The following SLC35F3 variants were observed in gnomAD, a reference collection of about 807,000 sequenced individuals.
The protein encoded by SLC35F3 is putative thiamine transporter SLC35F3.
SLC35F3 carries 25 observed loss-of-function variants against 49.9 expected under a neutral mutation model. The observed-to-expected ratio is 0.50, with a 90% CI of 0.37 to 0.70. SLC35F3 has a LOEUF of 0.70. Among genes scored for constraint, SLC35F3 ranks in the 30% least tolerant of loss-of-function variants. The pLI, the probability that SLC35F3 is intolerant of heterozygous loss-of-function variation, is 0.00. For missense variants in SLC35F3, 525 were observed against 639.8 expected (o/e 0.82, Z 1.94); for synonymous variants, 275 against 265.4 (o/e 1.04, Z -0.35).
chr1:233,966,465 A>G (rs1466887662), intron 2 of SLC35F3, among the ~76,000 whole-genome samples: 1 of 152,086 alleles, frequency 6.6e-6, no homozygotes, highest in Non-Finnish European at 1.5e-5. Context: ...GTCAGACCCA[A>G]CCTGGATGCA....
intron 2 of SLC35F3, among the ~76,000 whole-genome samples, chr1:233,992,900 A>G (rs1318074782): frequency 2.0e-5 from 3 of 152,172 alleles, no homozygotes; most frequent in Non-Finnish European, 4.4e-5. Context: ...TGAAAGGGAA[A>G]GTGGGAGGGC....
chr1:234,168,207 T>C (rs1666346843), intron 2 of SLC35F3, among the ~76,000 whole-genome samples: 1 of 152,348 alleles, frequency 6.6e-6, no homozygotes, highest in East Asian at 1.9e-4. Context: ...ACCCTAGGGC[T>C]GGAATATGAC....
At chr1:233,959,194 A>G (rs1440605020) in intron 2 of SLC35F3, among the ~76,000 whole-genome samples, 1 of 152,156 alleles carries the variant, frequency 6.6e-6, no homozygotes, top group Non-Finnish European at 1.5e-5. Flanking sequence ...TCTCACGTAT[A>G]AAGTAGCGTA....
At chr1:234,297,330 G>A (rs993490216) in intron 3 of SLC35F3, among the ~76,000 whole-genome samples, 1 of 152,194 alleles carries the variant, frequency 6.6e-6, no homozygotes, top group Admixed American at 6.5e-5. Flanking sequence ...AAATCAGTAT[G>A]TTAAAGAGGT....
At chr1:234,038,184 A>T (rs529457789) in intron 2 of SLC35F3, among the ~76,000 whole-genome samples, 1 of 138,522 alleles carries the variant, frequency 7.2e-6, no homozygotes, top group Admixed American at 8.3e-5. Flanking sequence ...TCACTGTTCA[A>T]TTCCCACCTA....
chr1:234,186,725 G>A (rs575264984), intron 2 of SLC35F3, among the ~76,000 whole-genome samples: 4 of 152,262 alleles, frequency 2.6e-5, no homozygotes, highest in African/African-American at 7.2e-5. Context: ...TAGGGACTCC[G>A]TAAAGTCAAC....
intron 2 of SLC35F3, among the ~76,000 whole-genome samples, chr1:233,961,189 A>T (rs56318715): frequency 0.54 from 82,607 of 151,866 alleles, 22,662 homozygotes; most frequent in African/African-American, 0.59. Context: ...TATAGATATA[A>T]CCTACGAGTA....
At chr1:233,951,746 T>C (rs1662611629) in intron 2 of SLC35F3, among the ~76,000 whole-genome samples, 1 of 152,044 alleles carries the variant, frequency 6.6e-6, no homozygotes, top group Non-Finnish European at 1.5e-5. Context: ...TTTGTTTTGT[T>C]TTTTTGTTTT....
At position 234,264,266 on chromosome 1, in the gene SLC35F3, T is replaced by A. The variant is rs117708919; in HGVS notation, c.608+32525T>A. On this transcript the variant is annotated intron_variant, in intron 3 of 7. Coordinates refer to ENST00000366618, the MANE Select transcript of SLC35F3 (RefSeq NM_173508.4). Reference sequence around the variant, plus strand: ...TGCACAAGGAACCTTCCACTTGGTGTCTGTTCAAGGACCTCACTCCAGCAG... The same window carrying A: ...TGCACAAGGAACCTTCCACTTGGTGACTGTTCAAGGACCTCACTCCAGCAG... Among the ~76,000 whole-genome samples the A allele has an allele frequency of 6.6e-4, 100 of 152,356 alleles. 1 individual carries two copies. The East Asian group carries it at 0.016, about 25-fold the overall frequency.
At chr1:234,287,090 T>C (rs1668432866) in intron 3 of SLC35F3, among the ~76,000 whole-genome samples, 1 of 152,128 alleles carries the variant, frequency 6.6e-6, no homozygotes, top group African/African-American at 2.4e-5. Flanking sequence ...TCCCAGCTAC[T>C]TGGGAGGCTG....
intron 2 of SLC35F3, among the ~76,000 whole-genome samples, chr1:234,189,061 C>A (rs1447570325): frequency 1.3e-5 from 2 of 152,020 alleles, no homozygotes; most frequent in African/African-American, 4.8e-5. Context: ...TGAACAGCAG[C>A]CTTGAGCCCC....
At chr1:234,047,100 TA>T (rs912818347) in intron 2 of SLC35F3, among the ~76,000 whole-genome samples, 3 of 152,368 alleles carry the variant, frequency 2.0e-5, no homozygotes, top group Non-Finnish European at 4.4e-5. Flanking sequence ...AGATTTTGAT[TA>T]AACATAGCTT....
rs182924154 is a variant in SLC35F3 at position 233,980,377 on chromosome 1, C to T, written c.283+74619C>T. 4.1e-3 allele frequency among the ~76,000 whole-genome samples: 619 copies of T among 152,294 alleles called. 5 individuals carry two copies. The highest frequency in any genetic ancestry group is 0.014 in the African/African-American group (595 of 41,570). The stretch of plus-strand genomic sequence containing the variant: ...CATAAAAAGCCCAGGACTTAAAAGG[C>T]AGAATGAATTAGTGCCCACCTGGGA... On this transcript the variant is annotated intron_variant, in intron 2 of 7. Coordinates refer to ENST00000366618, the MANE Select transcript of SLC35F3 (RefSeq NM_173508.4).
intron 3 of SLC35F3, among the ~76,000 whole-genome samples, chr1:234,301,131 G>C (rs1203514878): frequency 2.0e-5 from 3 of 152,168 alleles, no homozygotes; most frequent in Admixed American, 2.0e-4. Flanking sequence ...GGTGGTATCA[G>C]ATTTTTTAAA....
chr1:234,240,485 G>A (rs1186884351), intron 3 of SLC35F3, among the ~76,000 whole-genome samples: 1 of 151,814 alleles, frequency 6.6e-6, no homozygotes, highest in African/African-American at 2.4e-5. Context: ...CGTCCCTGTA[G>A]TCCCAGCTAC....
intron 2 of SLC35F3, among the ~76,000 whole-genome samples, chr1:233,982,275 T>C (rs1476662480): frequency 6.6e-6 from 1 of 152,246 alleles, no homozygotes; most frequent in Non-Finnish European, 1.5e-5. Flanking sequence ...AATACCCTCT[T>C]TGGTGAACTG....
At chr1:234,261,929 C>T (rs1294905595) in intron 3 of SLC35F3, 2 of 152,218 alleles carry the variant, frequency 1.3e-5, no homozygotes, top group Non-Finnish European at 2.9e-5. Flanking sequence ...GAGACTCAAA[C>T]TTGGGTTTGC....
At chr1:234,204,217 A>G (rs1238327891) in intron 2 of SLC35F3, among the ~76,000 whole-genome samples, 1 of 152,212 alleles carries the variant, frequency 6.6e-6, no homozygotes, top group Admixed American at 6.5e-5. Context: ...TTTAGAAAAA[A>G]AAATAGAAAC....
chr1:234,322,400 CAATAAAGTTAAAGA>C (rs1487083888), intron 7 of SLC35F3, among the ~76,000 whole-genome samples: 3 of 152,038 alleles, frequency 2.0e-5, no homozygotes, highest in Non-Finnish European at 4.4e-5. Flanking sequence ...TGTACTCTTA[CAATAAAGTTAAAGA>C]AAAGAAAATG....
Sources: gnomAD v4.1 joint callset for allele counts (sites outside exome capture counted in the v4.1 genomes callset) on GRCh38, gnomAD v4.1.1 for gene constraint, MANE v1.5 for transcripts, NCBI Gene and HGNC (gene_info 2026-07-23, HGNC 2026-07-21) for gene names.